Variants in LRP1B observed in about 807,000 individuals in gnomAD.
LRP1B encodes the protein LDL receptor related protein 1B.
LRP1B carries 217 observed loss-of-function variants against 556.6 expected under a neutral mutation model. That is an observed-to-expected ratio of 0.39 (90% confidence interval 0.35 to 0.44). The LOEUF (loss-of-function observed/expected upper bound fraction) is 0.44, where lower values mean the gene tolerates loss of function less well. LRP1B is among the 20% of genes least tolerant of loss of function. LRP1B has a pLI of 1.00. For missense variants in LRP1B, 5,053 were observed against 5,620.8 expected (o/e 0.90, Z 3.23); for synonymous variants, 2,047 against 1,865.8 (o/e 1.10, Z -2.50).
chr2:140,332,456 T>A (rs1680863040), intron 79 of LRP1B, among the ~76,000 whole-genome samples: 1 of 152,074 alleles, frequency 6.6e-6, no homozygotes, highest in Non-Finnish European at 1.5e-5. Flanking sequence ...TTGGAGACAC[T>A]GTGGTGCCTT....
chr2:140,650,664 T>C (rs1345168056), intron 41 of LRP1B, among the ~76,000 whole-genome samples: 1 of 152,110 alleles, frequency 6.6e-6, no homozygotes, highest in Admixed American at 6.6e-5. Context: ...TTAAATCATT[T>C]TAAAGATTGG....
intron 49 of LRP1B, among the ~76,000 whole-genome samples, chr2:140,523,661 A>G (rs1434776798): frequency 6.6e-6 from 1 of 151,974 alleles, no homozygotes; most frequent in East Asian, 1.9e-4. Context: ...CCTAGATCTC[A>G]TAATCAAGTT....
intron 1 of LRP1B, among the ~76,000 whole-genome samples, chr2:142,114,228 G>A (rs1707105685): frequency 6.6e-6 from 1 of 152,092 alleles, no homozygotes; most frequent in Non-Finnish European, 1.5e-5. Flanking sequence ...ATATGCAGTA[G>A]TCTGTTTTAT....
At chr2:140,293,488 T>A (rs1213887187) in intron 84 of LRP1B, among the ~76,000 whole-genome samples, 1 of 152,208 alleles carries the variant, frequency 6.6e-6, no homozygotes, top group African/African-American at 2.4e-5. Context: ...CTCAGGACTT[T>A]ATATTGCTAT....
chr2:140,691,951 A>G (rs867502568), intron 41 of LRP1B, among the ~76,000 whole-genome samples: 15 of 152,254 alleles, frequency 9.9e-5, no homozygotes, highest in Middle Eastern at 3.4e-3. Flanking sequence ...GCTATTGTTG[A>G]AAGTATATAG....
At chr2:140,367,265 G>T (rs762019723) in intron 71 of LRP1B, among the ~76,000 whole-genome samples, 1 of 151,728 alleles carries the variant, frequency 6.6e-6, no homozygotes, top group Non-Finnish European at 1.5e-5. Flanking sequence ...GAAAACAAGG[G>T]CAAACTGCTT....
chr2:141,874,144 G>C (rs971567175), intron 1 of LRP1B, among the ~76,000 whole-genome samples: 33 of 125,554 alleles, frequency 2.6e-4, no homozygotes, highest in Non-Finnish European at 4.8e-4. Flanking sequence ...TATTTAATCC[G>C]GAATGTTTAT....
chr2:141,956,143 G>T (rs1010760380), intron 1 of LRP1B, among the ~76,000 whole-genome samples: 18 of 151,892 alleles, frequency 1.2e-4, no homozygotes, highest in Non-Finnish European at 1.3e-4. Context: ...AATTTTTTTT[G>T]AGTATGCATG....
chr2:141,866,636 G>C (rs1698421124), intron 1 of LRP1B, among the ~76,000 whole-genome samples: 1 of 152,008 alleles, frequency 6.6e-6, no homozygotes, highest in Admixed American at 6.6e-5. Flanking sequence ...AATTCCATAG[G>C]AACCGAGAAC....
chr2:140,491,546 T>G (rs1217335895), intron 57 of LRP1B, among the ~76,000 whole-genome samples: 1 of 152,046 alleles, frequency 6.6e-6, no homozygotes, highest in Admixed American at 6.6e-5. Flanking sequence ...ATAATTTTGA[T>G]ATAAGTTTAA....
chr2:141,395,883 A>G (rs1473246019), intron 3 of LRP1B, among the ~76,000 whole-genome samples: 1 of 152,184 alleles, frequency 6.6e-6, no homozygotes, highest in East Asian at 1.9e-4. Flanking sequence ...TTTGTAGAGG[A>G]AAGTCTCCCC....
At chr2:140,847,096 G>A (rs973667844) in intron 29 of LRP1B, among the ~76,000 whole-genome samples, 1 of 152,102 alleles carries the variant, frequency 6.6e-6, no homozygotes, top group African/African-American at 2.4e-5. Context: ...ATTTGTGCAT[G>A]TTCCTCCATC....
chr2:142,056,983 A>T (rs1704699157), intron 1 of LRP1B, among the ~76,000 whole-genome samples: 1 of 152,140 alleles, frequency 6.6e-6, no homozygotes, highest in Admixed American at 6.6e-5. Flanking sequence ...CAGACAACTC[A>T]GCACTTTCGT....
intron 27 of LRP1B, among the ~76,000 whole-genome samples, chr2:140,860,927 G>A (rs1003103576): frequency 2.6e-5 from 4 of 152,122 alleles, no homozygotes; most frequent in African/African-American, 9.7e-5. Flanking sequence ...TACAGGGTGG[G>A]GGAGGAGAGT....
In LRP1B at chr2:141,696,079, A is replaced by G. The variant is rs576074855; in HGVS notation, c.205+114200T>C. 9.9e-5 allele frequency among the ~76,000 whole-genome samples: 15 copies of G among 152,098 alleles called. No individual in the cohort carries two copies. The South Asian group carries it at 3.1e-3, about 32-fold the overall frequency. On this transcript the variant is annotated intron_variant, in intron 2 of 90. Transcript: ENST00000389484. ...AATGTAATCTGTTTTCCTTAATCAG[A>G]TAACTCAACTCATGGTTTACTTGCA...
chr2:140,763,725 C>G (rs540086054), intron 35 of LRP1B, among the ~76,000 whole-genome samples: 1 of 152,038 alleles, frequency 6.6e-6, no homozygotes, highest in Non-Finnish European at 1.5e-5. Flanking sequence ...CAGTAATTTA[C>G]TTAACCTAAA....
At position 140,811,118 on chromosome 2, in the gene LRP1B, G is replaced by A. The variant is rs1024056089; in HGVS notation, c.5359+2539C>T. 5.9e-5 allele frequency among the ~76,000 whole-genome samples: 9 copies of A among 152,176 alleles called. No homozygotes were observed. In the East Asian group the frequency reaches 1.7e-3, roughly 29 times the overall value. On this transcript the variant is annotated intron_variant, in intron 32 of 90. Coordinates refer to ENST00000389484, the MANE Select transcript of LRP1B (RefSeq NM_018557.3). ...CTACTCAAATTACAGTGGCAAAAAG[G>A]GGTATACTTACACAGCAATTTACTT...
intron 83 of LRP1B, among the ~76,000 whole-genome samples, chr2:140,312,204 C>T (rs1472761621): frequency 6.6e-6 from 1 of 151,950 alleles, no homozygotes; most frequent in Non-Finnish European, 1.5e-5. Flanking sequence ...CCAAATTGCA[C>T]TTTCACTTCT....
intron 32 of LRP1B, among the ~76,000 whole-genome samples, chr2:140,797,880 C>T (rs1482645412): frequency 6.6e-6 from 1 of 152,122 alleles, no homozygotes. Flanking sequence ...TTCCTGTTTT[C>T]GCTTCCTTAT....
Sources: allele counts gnomAD v4.1 joint callset (sites outside exome capture counted in the v4.1 genomes callset), GRCh38; gene constraint gnomAD v4.1.1; transcripts MANE v1.5; gene names NCBI Gene and HGNC (gene_info 2026-07-23, HGNC 2026-07-21).